The following NRL variants were observed in gnomAD, a reference collection of about 807,000 sequenced individuals.
NRL encodes neural retina-specific leucine zipper protein.
A neutral mutation model predicts 12.5 loss-of-function variants in NRL; 16 were observed. The ratio of observed to expected loss-of-function variants is 1.28; its 90% CI spans 0.87 to 1.95. The LOEUF is 1.95. NRL is among the 30% of genes most tolerant of loss of function. The pLI is 0.00. For missense variants in NRL, 314 were observed against 325.8 expected, an observed-to-expected ratio of 0.96 and a Z score of 0.28; for synonymous variants, 142 against 150.9, an observed-to-expected ratio of 0.94 and a Z score of 0.43.
intron 2 of NRL, chr14:24,082,158 C>T (rs902222442): frequency 2.6e-6 from 2 of 771,792 alleles, no homozygotes; most frequent in African/African-American, 3.8e-5. Flanking sequence ...GGTTTCCACA[C>T]ACCATGTATC....
At chr14:24,103,568 G>T (rs750479317) in intron 1 of NRL, 1 of 1,585,192 alleles carries the variant, frequency 6.3e-7, no homozygotes, top group Non-Finnish European at 8.6e-7. Context: ...ACAACTTCGG[G>T]CACTACCTGG....
At chr14:24,114,652 A>C in intron 1 of NRL, 70 bp downstream of exon 1, 376 of 975,592 alleles carry the variant, frequency 3.9e-4, no homozygotes, top group Non-Finnish European at 4.2e-4. Flanking sequence ...CTCCCCAGCA[A>C]GAGCTAACAG....
intron 1 of NRL, chr14:24,098,205 G>A (rs1318906602): frequency 1.9e-6 from 3 of 1,594,416 alleles, no homozygotes; most frequent in Admixed American, 3.4e-5. Context: ...TCCCCCAGCT[G>A]GCTGGCCCGC....
At chr14:24,099,315 C>A in intron 1 of NRL, 2 of 1,362,898 alleles carry the variant, frequency 1.5e-6, no homozygotes, top group Non-Finnish European at 2.0e-6. Context: ...TCAGCCTCAC[C>A]TCCCTCCTGC....
intron 1 of NRL, among the ~76,000 whole-genome samples, chr14:24,104,938 GGAGACCCTAACCCAGCAGTGCTA>G (rs1225345966): frequency 4.6e-5 from 7 of 152,182 alleles, no homozygotes; most frequent in African/African-American, 1.4e-4. Flanking sequence ...GCTCTGTCAA[GGAGACCCTAACCCAGCAGTGCTA>G]GAGGAATTAA....
Position 24,094,363 on chromosome 14 carries a change from T to G in NRL, c.-27-11488A>C, listed in dbSNP as rs1190991297. ...TCCCCGCCTTCCATACCTCCCCGGCTCCGCTCGGTTCCTGGCCACCCCGCA... is the reference window on the plus strand; with the variant it reads ...TCCCCGCCTTCCATACCTCCCCGGCGCCGCTCGGTTCCTGGCCACCCCGCA... On this transcript the variant is annotated intron_variant, in intron 1 of 2. Coordinates refer to ENST00000561028, the MANE Select transcript of NRL (RefSeq NM_001354768.3). This position sits in a 1 kb window ranked among gnomAD's most constrained non-coding sequence, Gnocchi z 4.1. The G allele has an allele frequency of 6.6e-7, 1 of 1,523,940 alleles. No individual in the cohort carries two copies. The highest frequency in any genetic ancestry group is 1.4e-5 in the African/African-American group (1 of 71,300). The allele number at this position is 1,523,940 out of a possible 1,614,324, so 94.4% of individuals were successfully genotyped here.
In NRL at chr14:24,081,610, C is replaced by T. The variant is rs2036306721; in HGVS notation, c.382-42G>A. ...CAGAAACCGGGTCAGCGCCAGGTCGCACCCGGCTCTGCCCTGAGGGCCCGA... is the reference window on the plus strand; with the variant it reads ...CAGAAACCGGGTCAGCGCCAGGTCGTACCCGGCTCTGCCCTGAGGGCCCGA... On this transcript the variant is annotated intron_variant, in intron 2 of 2. Coordinates refer to ENST00000561028, the MANE Select transcript of NRL (RefSeq NM_001354768.3). This position sits in a 1 kb window ranked among gnomAD's most constrained non-coding sequence, Gnocchi z 4.4. 2 of 1,554,578 alleles carry T rather than the reference C, an allele frequency of 1.3e-6. No homozygotes were observed. The highest frequency in any genetic ancestry group is 1.4e-5 in the African/African-American group (1 of 73,554).
intron 1 of NRL, among the ~76,000 whole-genome samples, chr14:24,113,971 G>A (rs529165277): frequency 2.1e-3 from 316 of 152,350 alleles, no homozygotes; most frequent in African/African-American, 7.1e-3. Flanking sequence ...ACCCAGCCAG[G>A]GCGAGGATCA....
intron 1 of NRL, chr14:24,096,898 C>T (rs751526488): frequency 1.2e-5 from 20 of 1,612,678 alleles, no homozygotes; most frequent in Non-Finnish European, 1.7e-5. Flanking sequence ...ATAGGCTTAA[C>T]TGGCATGGGC....
rs201353531 is a variant in NRL at position 24,098,658 on chromosome 14, G to A, written c.-27-15783C>T. ...TTTGTCAAGTGTCTGCACTCCGTGG[G>A]CCAGCCCCTGACAGGACAAGGTAAG... On this transcript the variant is annotated intron_variant, in intron 1 of 2. Coordinates refer to ENST00000561028, the MANE Select transcript of NRL (RefSeq NM_001354768.3). The A allele has an allele frequency of 2.0e-4, 325 of 1,613,648 alleles. No individual in the cohort carries two copies. Among genetic ancestry groups the A allele is most frequent in the Middle Eastern group, 3.3e-4 (2 of 6,046 alleles).
chr14:24,101,003 A>G lies in NRL; in HGVS notation c.-28+13719T>C, dbSNP rs577934819. Among the ~76,000 whole-genome samples the G allele has an allele frequency of 2.0e-5, 3 of 152,194 alleles. No individual in the cohort carries two copies. The South Asian group carries it at 6.2e-4, about 32-fold the overall frequency. ...AGGCAGGGGCAAAGAAGAGCATGGGAGGGGAGGCTGGCCTTGTAGTCACTG... is the reference window on the plus strand; with the variant it reads ...AGGCAGGGGCAAAGAAGAGCATGGGGGGGGAGGCTGGCCTTGTAGTCACTG... On this transcript the variant is annotated intron_variant, in intron 1 of 2. Transcript: ENST00000561028.
chr14:24,113,244 G>A (rs2037448142), intron 1 of NRL, among the ~76,000 whole-genome samples: 1 of 94,948 alleles, frequency 1.1e-5, no homozygotes, highest in Admixed American at 1.1e-4. Flanking sequence ...TCGGGGGAGG[G>A]GGGAGGGATA....
At chr14:24,098,796 A>G (rs1194739216) in intron 1 of NRL, 1 of 876,792 alleles carries the variant, frequency 1.1e-6, no homozygotes, top group Non-Finnish European at 1.8e-6. Flanking sequence ...CCTAATTCCC[A>G]AGATCCAGAG....
chr14:24,086,780 C>G (rs550803192), intron 1 of NRL, among the ~76,000 whole-genome samples: 1 of 152,178 alleles, frequency 6.6e-6, no homozygotes, highest in Non-Finnish European at 1.5e-5. Context: ...AAGCTGCTAA[C>G]GGGCTAAGGG....
At chr14:24,097,082 C>T (rs761048577) in intron 1 of NRL, 4 of 1,613,608 alleles carry the variant, frequency 2.5e-6, no homozygotes, top group Middle Eastern at 1.7e-4. Context: ...TACTGCCACA[C>T]TGACCCTGCT....
rs965122546 is a variant in NRL at position 24,094,633 on chromosome 14, C to T, written c.-27-11758G>A. 38 of 1,479,682 alleles carry T rather than the reference C, an allele frequency of 2.6e-5. No homozygotes were observed. Among genetic ancestry groups the T allele is most frequent in the Admixed American group, 2.0e-4 (9 of 45,982 alleles). 91.7% of individuals were successfully genotyped at this position (1,479,682 alleles called of 1,614,324 possible). On this transcript the variant is annotated intron_variant, in intron 1 of 2. Coordinates refer to ENST00000561028, the MANE Select transcript of NRL (RefSeq NM_001354768.3). The surrounding 1 kb of genome is among the most constrained non-coding windows in gnomAD (Gnocchi z 4.1). ...GCAGCCGGCCGGTGCTCCTCGTTTC[C>T]GCCTGCACCTCCCCTTCTCTGCCTC...
chr14:24,082,762 C>T lies in NRL; in HGVS notation c.87G>A (p.Glu29=), dbSNP rs770794501. The T allele has an allele frequency of 1.9e-6, 3 of 1,614,204 alleles. No individual in the cohort carries two copies. The highest frequency in any genetic ancestry group is 2.5e-6 in the Non-Finnish European group (3 of 1,180,034). The change falls in exon 2 of 3, where the codon GAG becomes GAA. Residue 29 remains glutamate, a synonymous_variant. Coordinates refer to ENST00000561028, the MANE Select transcript of NRL (RefSeq NM_001354768.3). ...AGGCTGTAGGGGGGCCAGGTCGGCC[C>T]TCAGAGGGTTCCCGCTTTACCTCAA... is the stretch of plus-strand genomic sequence containing the variant. ...MKFEVKREPS[E]GRPGPPTASL...
chr14:24,085,722 C>A lies in NRL; in HGVS notation c.-27-2847G>T, dbSNP rs1240526259. Among the ~76,000 whole-genome samples, 2 of 152,166 alleles carry A rather than the reference C, an allele frequency of 1.3e-5. No individual in the cohort carries two copies. Among genetic ancestry groups the A allele is most frequent in the African/African-American group, 2.4e-5 (1 of 41,438 alleles). ...CTTATAAAACTTAACCTGGTCCCAG[C>A]CTTATATGTTGGGGAAAAGCTGGCA... On this transcript the variant is annotated intron_variant, in intron 1 of 2. Transcript: ENST00000561028. The surrounding 1 kb of genome is among the most constrained non-coding windows in gnomAD (Gnocchi z 4.1).
intron 1 of NRL, chr14:24,110,439 G>T: frequency 4.6e-6 from 1 of 219,622 alleles, no homozygotes; most frequent in Non-Finnish European, 1.0e-5. Context: ...AAACCACATC[G>T]TTTTTGCATC....
Sources: gnomAD v4.1 joint callset for allele counts (sites outside exome capture counted in the v4.1 genomes callset) on GRCh38, gnomAD v4.1.1 for gene constraint, Gnocchi (gnomAD v3.1) non-coding constraint, MANE v1.5 for transcripts, NCBI Gene and HGNC (gene_info 2026-07-23, HGNC 2026-07-21) for gene names.